Variants in ST3GAL1 observed in about 807,000 individuals in gnomAD.
The protein encoded by ST3GAL1 is CMP-N-acetylneuraminate-beta-galactosamide-alpha-2,3-sialyltransferase 1.
ST3GAL1 carries 16 observed loss-of-function variants against 34.1 expected under a neutral mutation model. That is an observed-to-expected ratio of 0.47 (90% CI 0.32 to 0.71). The LOEUF is 0.71. Among genes scored for constraint, ST3GAL1 ranks in the 30% least tolerant of loss-of-function variants. The pLI is 0.04. For missense variants in ST3GAL1, 353 were observed against 447.4 expected, an observed-to-expected ratio of 0.79 and a Z score of 1.90; for synonymous variants, 191 against 184.7, an observed-to-expected ratio of 1.03 and a Z score of -0.28.
chr8:133,525,873 CAG>C (rs1491132375), intron 2 of ST3GAL1, among the ~76,000 whole-genome samples: 2 of 152,250 alleles, frequency 1.3e-5, no homozygotes, highest in Middle Eastern at 3.4e-3. Context: ...GCCTGCATGA[CAG>C]GGGGGCTTCC....
At chr8:133,523,922 C>A (rs1386812142) in intron 2 of ST3GAL1, among the ~76,000 whole-genome samples, 2 of 152,152 alleles carry the variant, frequency 1.3e-5, no homozygotes, top group African/African-American at 4.8e-5. Context: ...TTGTGTCCTT[C>A]GGGGAGCTTC....
intron 2 of ST3GAL1, among the ~76,000 whole-genome samples, chr8:133,517,337 T>A (rs941033322): frequency 1.3e-5 from 2 of 152,158 alleles, no homozygotes; most frequent in Admixed American, 6.5e-5. Context: ...AGTCTTGCAC[T>A]TTTTTATTTT....
rs1209540597 is a variant in ST3GAL1, at chr8:133,541,147, A to AGAGAGAGAGAGAGAGAGAGG, written c.-429+4626_-429+4627insCCTCTCTCTCTCTCTCTCTC. On this transcript the variant is annotated intron_variant, in intron 2 of 9. Transcript: ENST00000522652. ...GAGAGAGAGAGAGAGAGAGAGAGAG[A>AGAGAGAGAGAGAGAGAGAGG]GAGAGACTGTGTGTCTCTCCCTCTT... Among the ~76,000 whole-genome samples the AGAGAGAGAGAGAGAGAGAGG allele has an allele frequency of 1.1e-3, 133 of 125,368 alleles. 4 individuals are homozygous for AGAGAGAGAGAGAGAGAGAGG. The highest frequency in any genetic ancestry group is 2.4e-3 in the East Asian group (10 of 4,226). The allele number at this position is 125,368 out of a possible 152,430, so 82.2% of individuals were successfully genotyped here.
chr8:133,492,431 A>G (rs1338245014), intron 3 of ST3GAL1, among the ~76,000 whole-genome samples: 2 of 152,198 alleles, frequency 1.3e-5, no homozygotes, highest in Non-Finnish European at 2.9e-5. Context: ...TTCAAAGTGA[A>G]GAAATGGGGC....
chr8:133,505,886 C>T (rs1817319275), intron 2 of ST3GAL1, among the ~76,000 whole-genome samples: 1 of 152,128 alleles, frequency 6.6e-6, no homozygotes, highest in South Asian at 2.1e-4. Context: ...CAGGCGTGAG[C>T]CACTGCACTC....
At chr8:133,484,692 C>T (rs1816513323) in intron 3 of ST3GAL1, among the ~76,000 whole-genome samples, 1 of 152,148 alleles carries the variant, frequency 6.6e-6, no homozygotes, top group Non-Finnish European at 1.5e-5. Flanking sequence ...TTTGGAGAAT[C>T]AGCCTAATAA....
rs1819552691 is a variant in ST3GAL1 at position 133,571,065 on chromosome 8, G to T, written c.-582+628C>A. 6.6e-6 allele frequency among the ~76,000 whole-genome samples: 1 copy of T among 152,202 alleles called. No homozygotes were observed. Among genetic ancestry groups the T allele is most frequent in the Non-Finnish European group, 1.5e-5 (1 of 68,012 alleles). ...TGTCAACTTCACCCCCAGATCCGGA[G>T]CAGCGCGCTCTGACGGCGTCCCCGG... On this transcript the variant is annotated intron_variant, in intron 1 of 9. Transcript: ENST00000522652. The surrounding 1 kb of genome is among the most constrained non-coding windows in gnomAD (Gnocchi z 6.7).
chr8:133,528,145 A>G (rs1441855102), intron 2 of ST3GAL1, among the ~76,000 whole-genome samples: 1 of 152,114 alleles, frequency 6.6e-6, no homozygotes, highest in East Asian at 1.9e-4. Context: ...ACTGCACTCC[A>G]GCCTGGTGAC....
chr8:133,465,989 C>T lies in ST3GAL1; in HGVS notation c.408G>A (p.Ser136=), dbSNP rs574994544. ...GNVDPMLEKR[S]VGCRRCAVVG... ...CAACGGCGCAGCGCCGGCAGCCCAC[C>T]GACCTCTTCTCCAGCATAGGGTCCA... is the stretch of plus-strand genomic sequence containing the variant. Residue 136 remains serine (S), a synonymous_variant, in exon 6 of 10, where the codon TCG becomes TCA. Transcript: ENST00000522652. 7 of 1,614,224 alleles carry T rather than the reference C, an allele frequency of 4.3e-6. No individual in the cohort carries two copies. In the East Asian group the frequency reaches 6.7e-5, roughly 15 times the overall value.
At chr8:133,548,437 C>T (rs1386730321) in intron 1 of ST3GAL1, among the ~76,000 whole-genome samples, 2 of 152,200 alleles carry the variant, frequency 1.3e-5, no homozygotes, top group Non-Finnish European at 2.9e-5. Context: ...TTTCAGTGTT[C>T]CCTGCATTCC....
intron 2 of ST3GAL1, among the ~76,000 whole-genome samples, chr8:133,514,980 T>C (rs1817600641): frequency 6.6e-6 from 1 of 152,154 alleles, no homozygotes; most frequent in Non-Finnish European, 1.5e-5. Context: ...CATCTCCCTC[T>C]TGCTGCCCAG....
At chr8:133,525,419 G>A (rs1425196656) in intron 2 of ST3GAL1, among the ~76,000 whole-genome samples, 2 of 152,292 alleles carry the variant, frequency 1.3e-5, no homozygotes, top group East Asian at 3.9e-4. Flanking sequence ...GGCCATGGAT[G>A]GGCTTGGATA....
intron 2 of ST3GAL1, among the ~76,000 whole-genome samples, chr8:133,540,752 TATATATATAGACATATATATATAGAGAC>T: frequency 1.2e-5 from 1 of 85,690 alleles, no homozygotes; most frequent in Non-Finnish European, 2.2e-5. Context: ...TAGACATATA[TATATATATAGACATATATATATAGAGAC>T]ATATATATAT....
intron 3 of ST3GAL1, among the ~76,000 whole-genome samples, chr8:133,486,093 C>G (rs557022328): frequency 1.3e-4 from 20 of 152,324 alleles, no homozygotes; most frequent in African/African-American, 4.1e-4. Flanking sequence ...GCTTTCAGAG[C>G]TGGGACAGAG....
intron 1 of ST3GAL1, among the ~76,000 whole-genome samples, chr8:133,548,380 C>T (rs1818729768): frequency 1.3e-5 from 2 of 152,194 alleles, no homozygotes; most frequent in South Asian, 4.1e-4. Context: ...TTCACAGAGA[C>T]ATCTTCGCTG....
chr8:133,474,771 G>C lies in ST3GAL1; in HGVS notation c.306+948C>G, dbSNP rs865851594. The stretch of plus-strand genomic sequence containing the variant: ...GCCTGTGGGTCTCAACTTGAGTCCT[G>C]CTGTCTCAGAGACCTCCCTGGTGAC... On this transcript the variant is annotated intron_variant, in intron 5 of 9. Transcript: ENST00000522652. 3.9e-5 allele frequency among the ~76,000 whole-genome samples: 6 copies of C among 152,282 alleles called. No homozygotes were observed. The Middle Eastern group carries it at 0.017, about 432-fold the overall frequency.
intron 3 of ST3GAL1, among the ~76,000 whole-genome samples, chr8:133,493,040 G>A (rs540535798): frequency 2.6e-5 from 4 of 151,444 alleles, no homozygotes; most frequent in African/African-American, 7.4e-5. Context: ...AGACAGCTCT[G>A]TCCCAGCTCT....
At chr8:133,525,465 C>A (rs990280955) in intron 2 of ST3GAL1, among the ~76,000 whole-genome samples, 1 of 152,140 alleles carries the variant, frequency 6.6e-6, no homozygotes, top group African/African-American at 2.4e-5. Flanking sequence ...CCATGGACTC[C>A]CCCTGGAACT....
intron 2 of ST3GAL1, among the ~76,000 whole-genome samples, chr8:133,525,526 T>C (rs1817943229): frequency 6.6e-6 from 1 of 152,124 alleles, no homozygotes; most frequent in African/African-American, 2.4e-5. Flanking sequence ...AGGTGGTGTT[T>C]CACCTGGGAC....
Sources: allele counts gnomAD v4.1 joint callset (sites outside exome capture counted in the v4.1 genomes callset), GRCh38; gene constraint gnomAD v4.1.1; non-coding constraint Gnocchi (gnomAD v3.1); transcripts MANE v1.5; gene names NCBI Gene and HGNC (gene_info 2026-07-23, HGNC 2026-07-21).